Variants in RBM15B observed in about 807,000 individuals in gnomAD.
RBM15B encodes the protein RNA binding motif protein 15B.
A neutral mutation model predicts 53.3 loss-of-function variants in RBM15B; 11 were observed. The observed-to-expected ratio is 0.21, with a 90% CI of 0.13 to 0.34. The LOEUF (loss-of-function observed/expected upper bound fraction) is 0.34, where lower values mean the gene tolerates loss of function less well. Among genes scored for constraint, RBM15B ranks in the 10% least tolerant of loss-of-function variants. The pLI is 1.00. For synonymous variants in RBM15B, 631 were observed against 540.7 expected, an observed-to-expected ratio of 1.17 and a Z score of -2.32; for missense variants, 1,136 against 1,250.3, an observed-to-expected ratio of 0.91 and a Z score of 1.38.
Position 51,393,708 on chromosome 3 carries a change from G to C in RBM15B, c.2309G>C (p.Arg770Pro). Residue 770 changes from arginine to proline, a missense_variant, in exon 1 of 1, where the codon CGA (arginine) becomes CCA (proline). Arg to Pro is a moderately radical substitution (Grantham distance 103, BLOSUM62 -2). Transcript: ENST00000563281. The surrounding 1 kb of genome is among the most constrained non-coding windows in gnomAD (Gnocchi z 5.6). ...CAGCTGAAGATCGCCCAGCGCCTTCGACTGGACCAGCCCAAGCTTGACGAG... is the reference window on the plus strand; with the variant it reads ...CAGCTGAAGATCGCCCAGCGCCTTCCACTGGACCAGCCCAAGCTTGACGAG... ...LTQLKIAQRLRLDQPKLDEVT... is the reference protein window; with the variant it reads ...LTQLKIAQRLPLDQPKLDEVT... 2 of 1,613,384 alleles carry C rather than the reference G, an allele frequency of 1.2e-6. No homozygotes were observed. Among genetic ancestry groups the C allele is most frequent in the Non-Finnish European group, 1.7e-6 (2 of 1,179,822 alleles).
In RBM15B at chr3:51,394,138, C is replaced by T. The variant is rs933486084; in HGVS notation, c.*66C>T. On this transcript the variant is annotated 3_prime_UTR_variant, in exon 1 of 1. Coordinates refer to ENST00000563281, the MANE Select transcript of RBM15B (RefSeq NM_013286.5). ...AGCAGTTATTTTAAAATCTGATCCCCTCTCTACCCTACCACTTTGGTTTGA... is the reference window on the plus strand; with the variant it reads ...AGCAGTTATTTTAAAATCTGATCCCTTCTCTACCCTACCACTTTGGTTTGA... 5.9e-5 allele frequency: 80 copies of T among 1,348,910 alleles called. No homozygotes were observed. In the African/African-American group the frequency reaches 1.1e-3, roughly 18 times the overall value. 83.6% of individuals were successfully genotyped at this position (1,348,910 alleles called of 1,614,324 possible).
Position 51,393,146 on chromosome 3 carries a change from G to T in RBM15B, c.1747G>T (p.Asp583Tyr). ...TGGTGAGCGTTGGGGGGCAGATGGA[G>T]ACCGTGGTTTGCCCAAGCCCTGGGA... ...RSGERWGADG[D>Y]RGLPKPWEER... The change falls in exon 1 of 1, where the codon GAC becomes TAC. Residue 583 changes from aspartate to tyrosine, a missense_variant. Asp to Tyr is a radical substitution (Grantham distance 160). Around this residue, in one of 7 missense-constraint regions of RBM15B, gnomAD observed 578 missense variants for 581.6 expected, o/e 0.99. Transcript: ENST00000563281. This position sits in a 1 kb window ranked among gnomAD's most constrained non-coding sequence, Gnocchi z 5.6. 1.9e-6 allele frequency: 3 copies of T among 1,614,060 alleles called. 1 individual carries two copies. In the South Asian group the frequency reaches 3.3e-5, roughly 18 times the overall value.
Position 51,391,441 on chromosome 3 carries a change from C to T in RBM15B, c.42C>T (p.Arg14=), listed in dbSNP as rs782082583. 7.9e-7 allele frequency: 1 copy of T among 1,269,204 alleles called. No individual in the cohort carries two copies. The highest frequency in any genetic ancestry group is 2.4e-5 in the South Asian group (1 of 42,500). The allele number at this position is 1,269,204 out of a possible 1,614,324, so 78.6% of individuals were successfully genotyped here. A position where few individuals can be genotyped will look rare whatever the true frequency, so the allele number is the denominator to read the frequency against. The change falls in exon 1 of 1, where the codon CGC becomes CGT. Residue 14 remains arginine (R), a synonymous_variant. Transcript: ENST00000563281. This position sits in a 1 kb window ranked among gnomAD's most constrained non-coding sequence, Gnocchi z 4.5. The part of the protein sequence containing the change: ...QSERDSSPSG[R]GSSSSAKRPR... ...AGCGAGACTCTAGCCCGAGCGGGCG[C>T]GGCTCGTCATCGTCCGCCAAGCGTC...
chr3:51,393,622 G>A lies in RBM15B; in HGVS notation c.2223G>A (p.Glu741=). 1.2e-6 allele frequency: 2 copies of A among 1,613,560 alleles called. No individual in the cohort carries two copies. Among genetic ancestry groups the A allele is most frequent in the Non-Finnish European group, 8.5e-7 (1 of 1,179,722 alleles). ...TCCCCACGTCTATGCATATCCTAGA[G>A]GGGGACCAGGGGGTGATCAGCAGTC... The part of the protein sequence containing the change: ...SCFPTSMHIL[E]GDQGVISSLL... Residue 741 remains glutamate, a synonymous_variant, in exon 1 of 1, where the codon GAG becomes GAA. Transcript: ENST00000563281. This position sits in a 1 kb window ranked among gnomAD's most constrained non-coding sequence, Gnocchi z 5.6.
In RBM15B at chr3:51,391,506, G is replaced by C. The variant is rs1698092425; in HGVS notation, c.107G>C (p.Arg36Pro). Residue 36 changes from arginine to proline, a missense_variant, in exon 1 of 1, where the codon CGG (arginine) becomes CCG (proline). Transcript: ENST00000563281. The surrounding 1 kb of genome is among the most constrained non-coding windows in gnomAD (Gnocchi z 4.5). ...CGGGAGGCGGAGGCGGGCGGGCGGC[G>C]GGCGGCGCACAAGGCCTCTGGCGGC... is the stretch of plus-strand genomic sequence containing the variant. ...REREAEAGGRRAAHKASGGAK... is the reference protein window; with the variant it reads ...REREAEAGGRPAAHKASGGAK... 10 of 1,220,056 alleles carry C rather than the reference G, an allele frequency of 8.2e-6. No individual in the cohort carries two copies. Among genetic ancestry groups the C allele is most frequent in the Non-Finnish European group, 9.2e-6 (9 of 980,616 alleles). The allele number at this position is 1,220,056 out of a possible 1,614,324, so 75.6% of individuals were successfully genotyped here.
chr3:51,393,822 G>C lies in RBM15B; in HGVS notation c.2423G>C (p.Gly808Ala). ...ACCCCCAGTGGGCTTGGCACTGAGG[G>C]GATGCCCACAGTAGAGCCCGGTCTG... ...QATPSGLGTE[G>A]MPTVEPGLQR... Residue 808 changes from glycine (G) to alanine (A), a missense_variant, in exon 1 of 1, where the codon GGG becomes GCG. Coordinates refer to ENST00000563281, the MANE Select transcript of RBM15B (RefSeq NM_013286.5). The surrounding 1 kb of genome is among the most constrained non-coding windows in gnomAD (Gnocchi z 5.6). 6.2e-7 allele frequency: 1 copy of C among 1,611,962 alleles called. No individual in the cohort carries two copies.
rs532202871 is a variant in RBM15B at position 51,397,504 on chromosome 3, A to G, written c.*3432A>G. Reference sequence around the variant, plus strand: ...TTAGCTTTGCCAACTCCATCCTCCAAAACTTCCCAGAATACCTCCCTTTCC... The same window carrying G: ...TTAGCTTTGCCAACTCCATCCTCCAGAACTTCCCAGAATACCTCCCTTTCC... On this transcript the variant is annotated 3_prime_UTR_variant, in exon 1 of 1. Transcript: ENST00000563281. 1 of 167,162 alleles carries G rather than the reference A, an allele frequency of 6.0e-6. No individual in the cohort carries two copies. The highest frequency in any genetic ancestry group is 1.9e-4 in the East Asian group (1 of 5,184). 10.4% of individuals were successfully genotyped at this position (167,162 alleles called of 1,614,324 possible).
In RBM15B at chr3:51,395,553, T is replaced by TCAAA. The variant is rs534966085; in HGVS notation, c.*1484_*1487dup. 3.6e-4 allele frequency: 137 copies of TCAAA among 376,436 alleles called. No individual in the cohort carries two copies. Among genetic ancestry groups the TCAAA allele is most frequent in the African/African-American group, 1.4e-3 (68 of 48,076 alleles). 23.3% of individuals were successfully genotyped at this position (376,436 alleles called of 1,614,324 possible). A position where few individuals can be genotyped will look rare whatever the true frequency, so the allele number is the denominator to read the frequency against. On this transcript the variant is annotated 3_prime_UTR_variant, in exon 1 of 1. Transcript: ENST00000563281. ...TCAGCGTGTCTGGTACCTTGGATGT[T>TCAAA]CAAACAGGGAACACTGTCAGGGCTG...
chr3:51,391,631 C>A lies in RBM15B; in HGVS notation c.232C>A (p.His78Asn). ...RDGRGTGDAN[H>N]RASSGRSSGS... ...CGGCCGCGGCACCGGGGACGCGAAT[C>A]ACCGCGCGAGTAGCGGGCGCTCCTC... Residue 78 changes from histidine (H) to asparagine (N), a missense_variant, in exon 1 of 1, where the codon CAC becomes AAC. His to Asn is a moderately conservative substitution (Grantham distance 68). Coordinates refer to ENST00000563281, the MANE Select transcript of RBM15B (RefSeq NM_013286.5). The surrounding 1 kb of genome is among the most constrained non-coding windows in gnomAD (Gnocchi z 4.5). 3 of 1,189,440 alleles carry A rather than the reference C, an allele frequency of 2.5e-6. No homozygotes were observed. Among genetic ancestry groups the A allele is most frequent in the Non-Finnish European group, 3.1e-6 (3 of 961,176 alleles). The allele number at this position is 1,189,440 out of a possible 1,614,324, so 73.7% of individuals were successfully genotyped here.
chr3:51,393,416 G>A lies in RBM15B; in HGVS notation c.2017G>A (p.Ala673Thr). The A allele has an allele frequency of 6.2e-7, 1 of 1,613,786 alleles. No homozygotes were observed. The highest frequency in any genetic ancestry group is 8.5e-7 in the Non-Finnish European group (1 of 1,179,954). Residue 673 changes from alanine (A) to threonine (T), a missense_variant, in exon 1 of 1, where the codon GCA becomes ACA. By Grantham distance (58) the Ala-to-Thr change is moderately conservative. Coordinates refer to ENST00000563281, the MANE Select transcript of RBM15B (RefSeq NM_013286.5). The surrounding 1 kb of genome is among the most constrained non-coding windows in gnomAD (Gnocchi z 5.6). Reference protein sequence around the residue: ...RGHHHHHHEAADSSHGKKARD... With the variant: ...RGHHHHHHEATDSSHGKKARD... ...CCACCACCACCACCACCACGAGGCT[G>A]CAGACTCTTCCCACGGGAAGAAGGC...
chr3:51,392,141 G>C lies in RBM15B; in HGVS notation c.742G>C (p.Asp248His). The change falls in exon 1 of 1, where the codon GAC (aspartate) becomes CAC (histidine). Residue 248 changes from aspartate to histidine, a missense_variant. Physicochemically the swap from Asp to His is moderately conservative, Grantham distance 81. Around this residue, in one of 7 missense-constraint regions of RBM15B, gnomAD observed 204 missense variants for 196.8 expected, o/e 1.04. Coordinates refer to ENST00000563281, the MANE Select transcript of RBM15B (RefSeq NM_013286.5). The surrounding 1 kb of genome is among the most constrained non-coding windows in gnomAD (Gnocchi z 7.5). ...TPPPGPPAPADPLGYLPLHGG... is the reference protein window; with the variant it reads ...TPPPGPPAPAHPLGYLPLHGG... The stretch of plus-strand genomic sequence containing the variant: ...TCCCCCAGGGCCGCCCGCGCCCGCC[G>C]ACCCGCTCGGCTACCTCCCGCTACA... The C allele has an allele frequency of 6.5e-7, 1 of 1,535,576 alleles. No homozygotes were observed. The highest frequency in any genetic ancestry group is 1.2e-5 in the South Asian group (1 of 84,776).
Position 51,392,915 on chromosome 3 carries a change from C to T in RBM15B, c.1516C>T (p.Leu506Phe). 1.2e-6 allele frequency: 2 copies of T among 1,613,934 alleles called. No individual in the cohort carries two copies. The highest frequency in any genetic ancestry group is 1.7e-6 in the Non-Finnish European group (2 of 1,180,046). The change falls in exon 1 of 1, where the codon CTC (leucine) becomes TTC (phenylalanine). Residue 506 changes from leucine (L) to phenylalanine (F), a missense_variant. Around this residue, in one of 7 missense-constraint regions of RBM15B, gnomAD observed 578 missense variants for 581.6 expected, o/e 0.99. Coordinates refer to ENST00000563281, the MANE Select transcript of RBM15B (RefSeq NM_013286.5). The surrounding 1 kb of genome is among the most constrained non-coding windows in gnomAD (Gnocchi z 7.5). Reference sequence around the variant, plus strand: ...CCCCCAGCAGTACCAGCCCTCGCCACTCCCTGTGCATTATGAGCTGCTCAC... The same window carrying T: ...CCCCCAGCAGTACCAGCCCTCGCCATTCCCTGTGCATTATGAGCTGCTCAC... ...RYPQQYQPSP[L>F]PVHYELLTDG...
Position 51,392,208 on chromosome 3 carries a change from C to T in RBM15B, c.809C>T (p.Ala270Val). Reference sequence around the variant, plus strand: ...AAGCAGCGCTCGCTGTCCCCCGTCGCTGCCCCGCCCCTGCGGGAGCCCCGT... The same window carrying T: ...AAGCAGCGCTCGCTGTCCCCCGTCGTTGCCCCGCCCCTGCGGGAGCCCCGT... ...QYKQRSLSPVAAPPLREPRAR... is the reference protein window; with the variant it reads ...QYKQRSLSPVVAPPLREPRAR... Residue 270 changes from alanine to valine, a missense_variant, in exon 1 of 1, where the codon GCT (alanine) becomes GTT (valine). Transcript: ENST00000563281. The surrounding 1 kb of genome is among the most constrained non-coding windows in gnomAD (Gnocchi z 7.5). 1 of 1,548,184 alleles carries T rather than the reference C, an allele frequency of 6.5e-7. No homozygotes were observed. Among genetic ancestry groups the T allele is most frequent in the Admixed American group, 1.9e-5 (1 of 51,580 alleles).
Position 51,394,257 on chromosome 3 carries a change from T to C in RBM15B, c.*185T>C. On this transcript the variant is annotated 3_prime_UTR_variant, in exon 1 of 1. Transcript: ENST00000563281. ...TCTTAGATTTTGGGGGATTTTTTTT[T>C]TTAAACGATGAGAAGGGAATCCGGT... is the stretch of plus-strand genomic sequence containing the variant. 1.2e-6 allele frequency: 1 copy of C among 838,838 alleles called. No individual in the cohort carries two copies. Among genetic ancestry groups the C allele is most frequent in the Non-Finnish European group, 1.6e-6 (1 of 617,028 alleles). The allele number at this position is 838,838 out of a possible 1,614,324, so 52.0% of individuals were successfully genotyped here.
In RBM15B at chr3:51,391,390, C is replaced by A; in HGVS notation, c.-10C>A. 8.2e-7 allele frequency: 1 copy of A among 1,222,910 alleles called. No homozygotes were observed. The highest frequency in any genetic ancestry group is 1.0e-6 in the Non-Finnish European group (1 of 982,078). The allele number at this position is 1,222,910 out of a possible 1,614,324, so 75.8% of individuals were successfully genotyped here. ...AAACCTACGGGCCGCCCGCCCGCCG[C>A]GCCAGCGCCATGAAGCGGCAGAGCG... On this transcript the variant is annotated 5_prime_UTR_variant, in exon 1 of 1. Transcript: ENST00000563281. The surrounding 1 kb of genome is among the most constrained non-coding windows in gnomAD (Gnocchi z 4.5).
chr3:51,393,067 C>T lies in RBM15B; in HGVS notation c.1668C>T (p.Ser556=), dbSNP rs1238967058. 5.0e-6 allele frequency: 8 copies of T among 1,613,694 alleles called. No individual in the cohort carries two copies. The highest frequency in any genetic ancestry group is 6.8e-6 in the Non-Finnish European group (8 of 1,179,936). The change falls in exon 1 of 1, where the codon AGC becomes AGT. Residue 556 remains serine (S), a synonymous_variant. Transcript: ENST00000563281. This position sits in a 1 kb window ranked among gnomAD's most constrained non-coding sequence, Gnocchi z 5.6. The part of the protein sequence containing the change: ...LEGDWTSPSK[S]SDRRNSLEGY... ...GGGACTGGACCAGCCCCAGTAAAAG[C>T]TCTGACCGCCGAAACAGCCTTGAGG...
rs2089046307 is a variant in RBM15B at position 51,392,028 on chromosome 3, G to T, written c.629G>T (p.Arg210Leu). ...GCCCGGCAGCTGCTGCTCTACGACC[G>T]CCCGCTCAAGGTAGAGCCCGTGTAC... is the stretch of plus-strand genomic sequence containing the variant. ...ALARQLLLYDRPLKVEPVYLR... is the reference protein window; with the variant it reads ...ALARQLLLYDLPLKVEPVYLR... The change falls in exon 1 of 1, where the codon CGC becomes CTC. Residue 210 changes from arginine to leucine, a missense_variant. Arg to Leu is a moderately radical substitution (Grantham distance 102). This residue lies in a region of RBM15B where 204 missense variants were observed against 196.8 expected (regional missense o/e 1.04). Coordinates refer to ENST00000563281, the MANE Select transcript of RBM15B (RefSeq NM_013286.5). The surrounding 1 kb of genome is among the most constrained non-coding windows in gnomAD (Gnocchi z 7.5). 1.9e-6 allele frequency: 3 copies of T among 1,596,972 alleles called. No homozygotes were observed. The highest frequency in any genetic ancestry group is 1.3e-5 in the African/African-American group (1 of 74,208).
chr3:51,392,584 G>A lies in RBM15B; in HGVS notation c.1185G>A (p.Val395=). ...QNLDMAHRAK[V]AMSGRVIGRN... is the part of the protein sequence containing the mutation. ...TGGACATGGCCCATAGGGCTAAGGT[G>A]GCCATGTCGGGCCGAGTGATTGGTC... The change falls in exon 1 of 1, where the codon GTG becomes GTA. Residue 395 remains valine (V), a synonymous_variant. Coordinates refer to ENST00000563281, the MANE Select transcript of RBM15B (RefSeq NM_013286.5). The surrounding 1 kb of genome is among the most constrained non-coding windows in gnomAD (Gnocchi z 7.5). The A allele has an allele frequency of 1.2e-6, 2 of 1,613,998 alleles. No homozygotes were observed. Among genetic ancestry groups the A allele is most frequent in the Non-Finnish European group, 1.7e-6 (2 of 1,180,024 alleles).
Position 51,392,149 on chromosome 3 carries a change from C to T in RBM15B, c.750C>T (p.Leu250=), listed in dbSNP as rs782681360. The T allele has an allele frequency of 2.1e-5, 32 of 1,535,848 alleles. 2 individuals carry two copies. In the South Asian group the frequency reaches 3.2e-4, roughly 15 times the overall value. Residue 250 remains leucine (L), a synonymous_variant, in exon 1 of 1, where the codon CTC becomes CTT. Coordinates refer to ENST00000563281, the MANE Select transcript of RBM15B (RefSeq NM_013286.5). This position sits in a 1 kb window ranked among gnomAD's most constrained non-coding sequence, Gnocchi z 7.5. ...GGCCGCCCGCGCCCGCCGACCCGCT[C>T]GGCTACCTCCCGCTACACGGAGGCT... The part of the protein sequence containing the change: ...PPGPPAPADP[L]GYLPLHGGYQ...
Sources: allele counts gnomAD v4.1 joint callset, GRCh38; gene constraint gnomAD v4.1.1; regional missense constraint gnomAD v4.1.1; non-coding constraint Gnocchi (gnomAD v3.1); transcripts MANE v1.5; gene names NCBI Gene and HGNC (gene_info 2026-07-23, HGNC 2026-07-21).